NAV3: variants seen among roughly 807,000 people sequenced by gnomAD.
NAV3 encodes neuron navigator 3, also known as pore membrane and/or filament interacting like protein 1.
In NAV3, 87 loss-of-function variants were observed where a neutral mutation model predicts 244.7. The observed-to-expected ratio is 0.36, with a 90% CI of 0.30 to 0.42. The LOEUF (loss-of-function observed/expected upper bound fraction) is 0.42. Among genes scored for constraint, NAV3 ranks in the 20% least tolerant of loss-of-function variants. The probability of loss-of-function intolerance (pLI) is 1.00; values close to 1 mark genes in which losing one functional copy is unlikely to be tolerated. For missense variants in NAV3, 2,663 were observed against 2,893.3 expected (o/e 0.92, Z 1.83); for synonymous variants, 1,126 against 1,042.2 (o/e 1.08, Z -1.55).
At chr12:77,830,425 C>G (rs902353030), upstream of NAV3, among the ~76,000 whole-genome samples, 3 of 152,188 alleles carry the variant, frequency 2.0e-5, no homozygotes, top group African/African-American at 7.2e-5. Flanking sequence ...TACTTTGAGT[C>G]ATTCCAATGA....
intron 28 of NAV3, among the ~76,000 whole-genome samples, chr12:78,178,255 G>A (rs1293660744): frequency 1.3e-5 from 2 of 150,712 alleles, no homozygotes; most frequent in Non-Finnish European, 2.9e-5. Context: ...TGCCTCATGG[G>A]TTCAAGCGAT....
chr12:77,718,420 C>T (rs1057287842), intron 2 of NAV3, among the ~76,000 whole-genome samples: 1 of 152,074 alleles, frequency 6.6e-6, no homozygotes, highest in Non-Finnish European at 1.5e-5. Context: ...CTCTATTCTG[C>T]TCCATTGGTT....
chr12:78,140,461 G>A (rs1028824828), intron 20 of NAV3, 127 bp downstream of exon 20: 10 of 830,876 alleles, frequency 1.2e-5, no homozygotes, highest in African/African-American at 5.1e-5. Context: ...GCAAAATAAC[G>A]GCATACTCTA....
In NAV3 at chr12:77,974,370, C is replaced by G. The variant is rs559741402; in HGVS notation, c.671+5668C>G. 2.0e-5 allele frequency among the ~76,000 whole-genome samples: 3 copies of G among 152,178 alleles called. No individual in the cohort carries two copies. The East Asian group carries it at 5.8e-4, about 29-fold the overall frequency. On this transcript the variant is annotated intron_variant, in intron 5 of 39. Coordinates refer to ENST00000397909, the MANE Select transcript of NAV3 (RefSeq NM_001024383.2). ...AGTATCAGCTCACTGCAAACTCTGC[C>G]TCCCGAGTTCAAGCCATTCTCCTGC...
At chr12:78,062,743 C>G (rs1000660259) in intron 12 of NAV3, among the ~76,000 whole-genome samples, 2 of 152,100 alleles carry the variant, frequency 1.3e-5, no homozygotes, top group Non-Finnish European at 2.9e-5. Context: ...GGATTCAGGT[C>G]TTTTACTTCC....
Position 78,046,493 on chromosome 12 carries a change from G to A in NAV3, c.2024-3500G>A, listed in dbSNP as rs572200548. 3.6e-4 allele frequency among the ~76,000 whole-genome samples: 55 copies of A among 152,208 alleles called. 1 individual carries two copies. Among genetic ancestry groups the A allele is most frequent in the African/African-American group, 1.2e-3 (49 of 41,536 alleles). On this transcript the variant is annotated intron_variant, in intron 9 of 39. Transcript: ENST00000397909. ...CTGCCTTAATTTCCTTATTTACCCCGTGGTCATTCAGGAGCAGGTTGTTCA... is the reference window on the plus strand; with the variant it reads ...CTGCCTTAATTTCCTTATTTACCCCATGGTCATTCAGGAGCAGGTTGTTCA...
chr12:77,961,797 G>A (rs973362089), intron 3 of NAV3, among the ~76,000 whole-genome samples: 3 of 139,918 alleles, frequency 2.1e-5, no homozygotes, highest in Non-Finnish European at 3.0e-5. Flanking sequence ...GTTACATTCT[G>A]GCTGGTCCTC....
intron 22 of NAV3, among the ~76,000 whole-genome samples, chr12:78,154,323 A>C (rs1185492816): frequency 2.7e-5 from 2 of 73,192 alleles, no homozygotes. Context: ...GTATATATAT[A>C]GTATATATTA....
chr12:77,669,163 A>G (rs1261705062), intron 2 of NAV3, among the ~76,000 whole-genome samples: 2 of 152,196 alleles, frequency 1.3e-5, no homozygotes, highest in Non-Finnish European at 2.9e-5. Context: ...AGAATTTGCC[A>G]TTACCAAGAC....
intron 12 of NAV3, among the ~76,000 whole-genome samples, chr12:78,085,518 A>C (rs1039906099): frequency 3.3e-5 from 5 of 152,204 alleles, no homozygotes; most frequent in African/African-American, 1.2e-4. Context: ...GTAAATAATC[A>C]TACAACTTAC....
At chr12:78,087,388 T>C (rs1285079860) in intron 12 of NAV3, among the ~76,000 whole-genome samples, 2 of 152,036 alleles carry the variant, frequency 1.3e-5, no homozygotes, top group Non-Finnish European at 2.9e-5. Flanking sequence ...TTGTCCTGTA[T>C]AGCACAGAGG....
In NAV3 at chr12:78,190,236, TAAGAG is replaced by T. The variant is rs1360361960; in HGVS notation, c.6291+20_6291+24del. ...TCAAGTAAGGTATGTTACAGAATTCTAAGAGAACAGCTACAATTTATCCATAAGTG... is the reference window on the plus strand; with the variant it reads ...TCAAGTAAGGTATGTTACAGAATTCTAACAGCTACAATTTATCCATAAGTG... On this transcript the variant is annotated intron_variant, in intron 34 of 39. Coordinates refer to ENST00000397909, the MANE Select transcript of NAV3 (RefSeq NM_001024383.2). The T allele has an allele frequency of 7.6e-6, 12 of 1,585,694 alleles. 2 individuals are homozygous for T. In the South Asian group the frequency reaches 1.2e-4, roughly 16 times the overall value.
At chr12:78,061,750 G>A (rs551446369) in intron 12 of NAV3, among the ~76,000 whole-genome samples, 1 of 151,842 alleles carries the variant, frequency 6.6e-6, no homozygotes, top group East Asian at 1.9e-4. Context: ...TCTAAATTCT[G>A]TTATCCATTT....
At chr12:78,180,450 T>A (rs1377501725) in intron 29 of NAV3, among the ~76,000 whole-genome samples, 2 of 152,134 alleles carry the variant, frequency 1.3e-5, no homozygotes, top group Non-Finnish European at 2.9e-5. Flanking sequence ...ATTGACATTA[T>A]TTTTGTTTTG....
At chr12:77,917,395 T>C (rs1214046724) in intron 1 of NAV3, among the ~76,000 whole-genome samples, 3 of 152,016 alleles carry the variant, frequency 2.0e-5, no homozygotes, top group Non-Finnish European at 4.4e-5. Context: ...GATAACCTTT[T>C]CAGAACTTTT....
At chr12:77,923,086 T>C (rs1236014294) in intron 1 of NAV3, among the ~76,000 whole-genome samples, 1 of 151,984 alleles carries the variant, frequency 6.6e-6, no homozygotes, top group Non-Finnish European at 1.5e-5. Context: ...AATTTGATAA[T>C]AACAATTTCC....
intron 2 of NAV3, among the ~76,000 whole-genome samples, chr12:77,674,790 T>C (rs942874116): frequency 6.6e-6 from 1 of 152,230 alleles, no homozygotes; most frequent in Non-Finnish European, 1.5e-5. Flanking sequence ...CTATATGTTC[T>C]AGGCTTGATA....
intron 2 of NAV3, among the ~76,000 whole-genome samples, chr12:77,694,542 A>G (rs1289537098): frequency 6.6e-6 from 1 of 152,046 alleles, no homozygotes; most frequent in African/African-American, 2.4e-5. Flanking sequence ...ACAAACCTTA[A>G]CAACCAAGTT....
intron 23 of NAV3, among the ~76,000 whole-genome samples, chr12:78,160,404 C>A (rs10860044): frequency 2.1e-5 from 3 of 144,726 alleles, no homozygotes; most frequent in African/African-American, 7.8e-5. Context: ...TGTGTGCGTG[C>A]GTGTGTGTGT....
Sources: allele counts gnomAD v4.1 joint callset (sites outside exome capture counted in the v4.1 genomes callset), GRCh38; gene constraint gnomAD v4.1.1; transcripts MANE v1.5; gene names NCBI Gene and HGNC (gene_info 2026-07-23, HGNC 2026-07-21).